LYPD6: variants seen among roughly 807,000 people sequenced by gnomAD.
The protein encoded by LYPD6 is LY6/PLAUR domain containing 6.
Under a neutral mutation model 22.7 loss-of-function variants are expected in LYPD6, and 15 were observed. The ratio of observed to expected loss-of-function variants is 0.66; its 90% CI spans 0.44 to 1.02. The LOEUF is 1.02. LYPD6 is among the 50% of genes least tolerant of loss of function. The pLI is 0.00. For synonymous variants in LYPD6, 72 were observed against 77.5 expected (o/e 0.93, Z 0.37); for missense variants, 189 against 208.4 (o/e 0.91, Z 0.57).
intron 1 of LYPD6, among the ~76,000 whole-genome samples, chr2:149,345,754 G>GC (rs111759645): frequency 3.5e-4 from 54 of 152,140 alleles, no homozygotes; most frequent in African/African-American, 1.3e-3. Context: ...ATTTGATTAT[G>GC]TATATTTTAA....
chr2:149,379,887 CAGTG>C (rs1262217803), intron 1 of LYPD6, among the ~76,000 whole-genome samples: 1 of 152,116 alleles, frequency 6.6e-6, no homozygotes, highest in African/African-American at 2.4e-5. Flanking sequence ...GTGAAACTGA[CAGTG>C]AGCAAGATAA....
At chr2:149,437,567 T>C in intron 1 of LYPD6, 71 bp from the exon 2 acceptor site, 1 of 1,356,240 alleles carries the variant, frequency 7.4e-7, no homozygotes, top group African/African-American at 1.4e-5. Context: ...CTTACCAGCA[T>C]GGGAGCTCAG....
At chr2:149,407,034 T>G (rs1190362450) in intron 1 of LYPD6, among the ~76,000 whole-genome samples, 2 of 152,152 alleles carry the variant, frequency 1.3e-5, no homozygotes, top group African/African-American at 4.8e-5. Context: ...TGAAAATTCT[T>G]TTCTTTAAGA....
At chr2:149,482,844 T>G in the LYPD6 span, among the ~76,000 whole-genome samples, 1 of 152,208 alleles carries the variant, frequency 6.6e-6, no homozygotes, top group Non-Finnish European at 1.5e-5. Context: ...ACAGGAGATC[T>G]GACCACACCT....
At chr2:149,459,126 A>G (rs893562068) in intron 3 of LYPD6, among the ~76,000 whole-genome samples, 2 of 152,194 alleles carry the variant, frequency 1.3e-5, no homozygotes, top group Admixed American at 6.5e-5. Context: ...TAATAATAAA[A>G]CTTCTAAAAA....
intron 1 of LYPD6, among the ~76,000 whole-genome samples, chr2:149,433,949 G>T (rs1683374148): frequency 6.6e-6 from 1 of 152,100 alleles, no homozygotes; most frequent in South Asian, 2.1e-4. Context: ...ATATTGTGAA[G>T]ACATCTCCCA....
rs186013599 is a variant in LYPD6 at position 149,470,261 on chromosome 2, C to T, written c.349-422C>T. ...AGTCAGTACTCAAGTTTAAACCACC[C>T]GGGTTGTTGCCACTTGACTCTCACT... is the stretch of plus-strand genomic sequence containing the variant. On this transcript the variant is annotated intron_variant, in intron 4 of 4. Coordinates refer to ENST00000334166, the MANE Select transcript of LYPD6 (RefSeq NM_194317.5). Among the ~76,000 whole-genome samples, 102 of 152,304 alleles carry T rather than the reference C, an allele frequency of 6.7e-4. 1 individual carries two copies. Among genetic ancestry groups the T allele is most frequent in the African/African-American group, 2.4e-3 (99 of 41,576 alleles).
intron 1 of LYPD6, among the ~76,000 whole-genome samples, chr2:149,402,885 C>T (rs1042327996): frequency 5.7e-5 from 8 of 140,980 alleles, no homozygotes. Flanking sequence ...CCCCCCTCCC[C>T]CAACCGCACA....
At chr2:149,384,657 C>T (rs897941298) in intron 1 of LYPD6, among the ~76,000 whole-genome samples, 2 of 152,208 alleles carry the variant, frequency 1.3e-5, no homozygotes, top group African/African-American at 2.4e-5. Flanking sequence ...TGTCACCATG[C>T]ATCTCTGTGA....
chr2:149,336,055 T>TC lies in LYPD6; in HGVS notation c.-72+5334dup, dbSNP rs1681028657. ...GTTGCAGGAAATATATTTTAATGTTTCAGAAAGCCTAACCAGGTTTCCGAT... is the reference window on the plus strand; with the variant it reads ...GTTGCAGGAAATATATTTTAATGTTTCCAGAAAGCCTAACCAGGTTTCCGAT... On this transcript the variant is annotated intron_variant, in intron 1 of 4. Coordinates refer to ENST00000334166, the MANE Select transcript of LYPD6 (RefSeq NM_194317.5). Among the ~76,000 whole-genome samples, 3 of 152,356 alleles carry TC rather than the reference T, an allele frequency of 2.0e-5. No homozygotes were observed. The South Asian group carries it at 6.2e-4, about 32-fold the overall frequency.
At chr2:149,364,465 C>T (rs908279516) in intron 1 of LYPD6, among the ~76,000 whole-genome samples, 1 of 151,874 alleles carries the variant, frequency 6.6e-6, no homozygotes, top group African/African-American at 2.4e-5. Context: ...TGACTTTTTA[C>T]AGCATCTTGT....
the LYPD6 span, among the ~76,000 whole-genome samples, chr2:149,483,692 C>T: frequency 1.3e-5 from 2 of 152,098 alleles, no homozygotes; most frequent in East Asian, 1.9e-4. Context: ...GTAAGCAGCT[C>T]GACTTAATCA....
At chr2:149,352,225 C>G (rs774538191) in intron 1 of LYPD6, among the ~76,000 whole-genome samples, 3 of 152,010 alleles carry the variant, frequency 2.0e-5, no homozygotes, top group Non-Finnish European at 4.4e-5. Flanking sequence ...CTGCCATATC[C>G]GATAGTTGTC....
downstream of LYPD6, among the ~76,000 whole-genome samples, chr2:149,476,205 T>C (rs1018277247): frequency 1.6e-4 from 24 of 152,256 alleles, no homozygotes; most frequent in African/African-American, 5.5e-4. Flanking sequence ...CTCCTCTCCC[T>C]TTACTGTGGG....
intron 1 of LYPD6, among the ~76,000 whole-genome samples, chr2:149,415,842 A>AT (rs35143564): frequency 8.1e-4 from 122 of 150,872 alleles, no homozygotes; most frequent in African/African-American, 2.6e-3. Flanking sequence ...AATTTTTGTA[A>AT]TTTTTTTTTG....
chr2:149,340,549 T>C (rs1681140252), intron 1 of LYPD6, among the ~76,000 whole-genome samples: 1 of 152,152 alleles, frequency 6.6e-6, no homozygotes, highest in South Asian at 2.1e-4. Flanking sequence ...TGTGTGACCT[T>C]GGGCAAGTTA....
intron 1 of LYPD6, among the ~76,000 whole-genome samples, chr2:149,407,858 G>A (rs1448483308): frequency 6.6e-6 from 1 of 151,856 alleles, no homozygotes; most frequent in Admixed American, 6.6e-5. Context: ...CCCCATCTTT[G>A]TGGTTTTATC....
intron 1 of LYPD6, among the ~76,000 whole-genome samples, chr2:149,353,659 G>C (rs895864107): frequency 6.6e-6 from 1 of 152,020 alleles, no homozygotes; most frequent in African/African-American, 2.4e-5. Context: ...TGAATTACTT[G>C]AAAATGGAAG....
intron 3 of LYPD6, among the ~76,000 whole-genome samples, chr2:149,454,707 G>A (rs1284990728): frequency 6.6e-6 from 1 of 152,132 alleles, no homozygotes; most frequent in Non-Finnish European, 1.5e-5. Context: ...CACCAGCAGT[G>A]CATGGAAGTG....
Sources: gnomAD v4.1 joint callset for allele counts (sites outside exome capture counted in the v4.1 genomes callset) on GRCh38, gnomAD v4.1.1 for gene constraint, MANE v1.5 for transcripts, NCBI Gene and HGNC (gene_info 2026-07-23, HGNC 2026-07-21) for gene names.